GPR39: variants seen among roughly 807,000 people sequenced by gnomAD.
GPR39 encodes the protein G protein-coupled receptor 39, also known as zinc sensing receptor.
GPR39 carries 23 observed loss-of-function variants against 18.4 expected under a neutral mutation model. The observed-to-expected ratio is 1.25, with a 90% CI of 0.90 to 1.77. The LOEUF (loss-of-function observed/expected upper bound fraction) is 1.77, where lower values mean the gene tolerates loss of function less well. Ranked by LOEUF, GPR39 falls within the 40% of genes most tolerant of loss-of-function variation. The pLI, the probability that GPR39 is intolerant of heterozygous loss-of-function variation, is 0.00. For missense variants in GPR39, 647 were observed against 602.4 expected (o/e 1.07, Z -0.78); for synonymous variants, 280 against 257.9 (o/e 1.09, Z -0.82).
chr2:132,517,295 G>C (rs1187773782), intron 1 of GPR39, among the ~76,000 whole-genome samples: 1 of 152,066 alleles, frequency 6.6e-6, no homozygotes, highest in African/African-American at 2.4e-5. Context: ...TGCCATTTTG[G>C]GGGAGGTTAG....
chr2:132,489,418 G>C (rs1247411694), intron 1 of GPR39, among the ~76,000 whole-genome samples: 1 of 152,074 alleles, frequency 6.6e-6, no homozygotes, highest in East Asian at 1.9e-4. Flanking sequence ...GACTGTGACT[G>C]GGGCTGGCGG....
chr2:132,434,150 G>GA (rs199663619), intron 1 of GPR39, among the ~76,000 whole-genome samples: 19 of 151,818 alleles, frequency 1.3e-4, no homozygotes, highest in East Asian at 7.8e-4. Flanking sequence ...GCTCTATTCT[G>GA]AAAAAAAATG....
chr2:132,463,722 C>G (rs1373797523), intron 1 of GPR39, among the ~76,000 whole-genome samples: 1 of 152,168 alleles, frequency 6.6e-6, no homozygotes, highest in African/African-American at 2.4e-5. Flanking sequence ...ATATAACAAA[C>G]CACTCCAAAA....
intron 1 of GPR39, among the ~76,000 whole-genome samples, chr2:132,519,924 A>G (rs572715419): frequency 6.6e-6 from 1 of 152,286 alleles, no homozygotes; most frequent in Admixed American, 6.5e-5. Context: ...TCTAAAATGC[A>G]AATGGGACCC....
intron 1 of GPR39, among the ~76,000 whole-genome samples, chr2:132,641,444 G>C (rs1043254957): frequency 6.6e-5 from 10 of 152,260 alleles, no homozygotes; most frequent in African/African-American, 1.7e-4. Context: ...AATGGGAAGA[G>C]GGGGAGCCTT....
chr2:132,430,924 C>G (rs1294178163), intron 1 of GPR39, among the ~76,000 whole-genome samples: 3 of 152,176 alleles, frequency 2.0e-5, no homozygotes. Context: ...TCTTATATCC[C>G]TGGACTTCCC....
chr2:132,474,820 TC>T (rs1681096479), intron 1 of GPR39, among the ~76,000 whole-genome samples: 1 of 152,214 alleles, frequency 6.6e-6, no homozygotes, highest in South Asian at 2.1e-4. Context: ...TCATGGCAAT[TC>T]CTGCCTGCAG....
chr2:132,475,738 G>T (rs1196774047), intron 1 of GPR39, among the ~76,000 whole-genome samples: 1 of 152,180 alleles, frequency 6.6e-6, no homozygotes, highest in African/African-American at 2.4e-5. Flanking sequence ...TGAAGCTGCA[G>T]GAGACAAGAG....
At chr2:132,439,513 TTCTTA>T (rs1680396315) in intron 1 of GPR39, among the ~76,000 whole-genome samples, 1 of 152,196 alleles carries the variant, frequency 6.6e-6, no homozygotes, top group Admixed American at 6.5e-5. Context: ...TCTGAGATTG[TTCTTA>T]TCTTTTCCAT....
intron 1 of GPR39, among the ~76,000 whole-genome samples, chr2:132,453,081 A>G (rs1680658871): frequency 6.6e-6 from 1 of 152,112 alleles, no homozygotes; most frequent in South Asian, 2.1e-4. Flanking sequence ...GGTTGAAGTA[A>G]TTTACACTCC....
intron 1 of GPR39, among the ~76,000 whole-genome samples, chr2:132,512,273 G>A (rs1009178748): frequency 6.6e-6 from 1 of 152,162 alleles, no homozygotes; most frequent in Non-Finnish European, 1.5e-5. Flanking sequence ...TGGAAGAATA[G>A]GCCCAGTTAA....
intron 1 of GPR39, among the ~76,000 whole-genome samples, chr2:132,487,803 G>C (rs759364725): frequency 2.0e-5 from 3 of 152,048 alleles, no homozygotes; most frequent in Non-Finnish European, 4.4e-5. Context: ...GAATGAGAAA[G>C]TTTACAGATA....
chr2:132,538,693 C>T (rs1034565755), intron 1 of GPR39, among the ~76,000 whole-genome samples: 3 of 152,182 alleles, frequency 2.0e-5, no homozygotes, highest in African/African-American at 7.2e-5. Context: ...TGCTCTGTCC[C>T]AGGGAGATGA....
intron 1 of GPR39, among the ~76,000 whole-genome samples, chr2:132,428,091 C>T (rs1433073471): frequency 6.6e-6 from 1 of 151,684 alleles, no homozygotes; most frequent in Non-Finnish European, 1.5e-5. Context: ...TAGATATCCT[C>T]TAGAGAAGAT....
At chr2:132,513,087 A>G (rs1443707675) in intron 1 of GPR39, among the ~76,000 whole-genome samples, 1 of 152,138 alleles carries the variant, frequency 6.6e-6, no homozygotes, top group Non-Finnish European at 1.5e-5. Context: ...AGATGGCTCA[A>G]TCACACGGCT....
chr2:132,645,496 GAGCCCCAGTCTA>G lies in GPR39; in HGVS notation c.1255_1266del (p.Pro419_Lys422del), dbSNP rs753590826. On this transcript the variant is annotated inframe_deletion, in exon 2 of 2. Coordinates refer to ENST00000329321, the MANE Select transcript of GPR39 (RefSeq NM_001508.3). Reference sequence around the variant, plus strand: ...CTTAAGCACTTTTCAGAGCGAGGCCGAGCCCCAGTCTAAGTCCCAGTCATTGAGTCTCGAGTC... The same window carrying G: ...CTTAAGCACTTTTCAGAGCGAGGCCGAGTCCCAGTCATTGAGTCTCGAGTC... 3.7e-6 allele frequency: 6 copies of G among 1,613,774 alleles called. No individual in the cohort carries two copies. In the South Asian group the frequency reaches 6.6e-5, roughly 18 times the overall value.
rs1682049920 is a variant in GPR39 at position 132,645,990 on chromosome 2, G to A, written c.*384G>A. ...AGAAACTCACTCAGGGAGGTGGGGG[G>A]TTGGGGGCGAGGGCTGGAAGAACAA... On this transcript the variant is annotated 3_prime_UTR_variant, in exon 2 of 2. Transcript: ENST00000329321. 8 of 1,360,712 alleles carry A rather than the reference G, an allele frequency of 5.9e-6. No individual in the cohort carries two copies. Among genetic ancestry groups the A allele is most frequent in the Non-Finnish European group, 8.0e-6 (8 of 1,005,086 alleles). The allele number at this position is 1,360,712 out of a possible 1,614,324, so 84.3% of individuals were successfully genotyped here. A position where few individuals can be genotyped will look rare whatever the true frequency, so the allele number is the denominator to read the frequency against.
intron 1 of GPR39, among the ~76,000 whole-genome samples, chr2:132,572,245 G>A (rs1378484593): frequency 1.3e-5 from 2 of 152,042 alleles, no homozygotes; most frequent in South Asian, 2.1e-4. Flanking sequence ...CCCTTCTTCC[G>A]TCTGGTGTTC....
intron 1 of GPR39, among the ~76,000 whole-genome samples, chr2:132,532,582 T>A (rs1679661664): frequency 6.6e-6 from 1 of 152,232 alleles, no homozygotes; most frequent in African/African-American, 2.4e-5. Context: ...TGAACATTGA[T>A]GCAAACATCC....
Sources: allele counts gnomAD v4.1 joint callset (sites outside exome capture counted in the v4.1 genomes callset), GRCh38; gene constraint gnomAD v4.1.1; transcripts MANE v1.5; gene names NCBI Gene and HGNC (gene_info 2026-07-23, HGNC 2026-07-21).